The following PALM2AKAP2 variants were observed in gnomAD, a reference collection of about 807,000 sequenced individuals.
PALM2AKAP2 encodes PALM2-AKAP2 fusion protein.
Under a neutral mutation model 71.5 loss-of-function variants are expected in PALM2AKAP2, and 37 were observed. The ratio of observed to expected loss-of-function variants is 0.52; its 90% CI spans 0.40 to 0.68. The LOEUF is 0.68. Ranked by LOEUF, PALM2AKAP2 falls within the 30% of genes least tolerant of loss-of-function variation. The pLI is 0.00. For missense variants in PALM2AKAP2, 1,224 were observed against 1,191.8 expected, an observed-to-expected ratio of 1.03 and a Z score of -0.40; for synonymous variants, 468 against 478.8, an observed-to-expected ratio of 0.98 and a Z score of 0.29.
chr9:109,992,939 G>GTA (rs372571970), intron 6 of PALM2AKAP2, among the ~76,000 whole-genome samples: 48,113 of 138,072 alleles, frequency 0.35, 8,465 homozygotes, highest in Non-Finnish European at 0.42. Flanking sequence ...TCATATATAT[G>GTA]TATATATATA....
Position 109,984,826 on chromosome 9 carries a change from C to T in PALM2AKAP2, c.497-31128C>T, listed in dbSNP as rs568424993. On this transcript the variant is annotated intron_variant, in intron 6 of 9. Coordinates refer to the PALM2AKAP2 transcript ENST00000302798. ...TTCGAGGTTTACAAAGCACTATGATCGTGCCACTGCCACTCCAGCCAGGGC... is the reference window on the plus strand; with the variant it reads ...TTCGAGGTTTACAAAGCACTATGATTGTGCCACTGCCACTCCAGCCAGGGC... Among the ~76,000 whole-genome samples the T allele has an allele frequency of 1.6e-3, 249 of 151,606 alleles. 1 individual carries two copies. The highest frequency in any genetic ancestry group is 6.8e-3 in the Middle Eastern group (2 of 294).
chr9:109,922,290 T>C (rs1286050756), intron 3 of PALM2AKAP2, among the ~76,000 whole-genome samples: 1 of 150,382 alleles, frequency 6.6e-6, no homozygotes. Flanking sequence ...GGCATGGTGG[T>C]GTGTGCCTTT....
chr9:110,011,016 T>A (rs13295157), intron 6 of PALM2AKAP2, among the ~76,000 whole-genome samples: 11,747 of 61,122 alleles, frequency 0.19, 735 homozygotes, highest in Non-Finnish European at 0.27. Context: ...AAAAAAAAAA[T>A]ATATATATAT....
In PALM2AKAP2 at chr9:109,871,137, A is replaced by G. The variant is rs1829593405; in HGVS notation, c.126+3566A>G. ...TCTGTGGTCAAAGCAAATAAATAGA[A>G]TGCAAGATAGTAGTTTTGGCATTCA... On this transcript the variant is annotated intron_variant, in intron 2 of 9. Coordinates refer to the PALM2AKAP2 transcript ENST00000302798. Among the ~76,000 whole-genome samples, 4 of 152,220 alleles carry G rather than the reference A, an allele frequency of 2.6e-5. No individual in the cohort carries two copies. The South Asian group carries it at 8.3e-4, about 31-fold the overall frequency.
intron 1 of PALM2AKAP2, among the ~76,000 whole-genome samples, chr9:109,830,853 C>T (rs1828279846): frequency 6.6e-6 from 1 of 152,158 alleles, no homozygotes; most frequent in Non-Finnish European, 1.5e-5. Context: ...TTGACGAAGT[C>T]TACACTAGAA....
intron 1 of PALM2AKAP2, among the ~76,000 whole-genome samples, chr9:109,745,152 A>G (rs1005566158): frequency 1.3e-5 from 2 of 152,116 alleles, no homozygotes; most frequent in African/African-American, 2.4e-5. Flanking sequence ...GATCATTTAG[A>G]CCACTGCCAT....
exon 4 of PALM2AKAP2, chr9:110,170,349 C>G (rs191416371): frequency 2.6e-5 from 4 of 152,542 alleles, no homozygotes; most frequent in African/African-American, 4.8e-5. Flanking sequence ...TTATGTTATT[C>G]TAACAAGTAG....
chr9:110,081,297 G>A (rs1239835928), intron 1 of PALM2AKAP2, among the ~76,000 whole-genome samples: 1 of 152,114 alleles, frequency 6.6e-6, no homozygotes, highest in Non-Finnish European at 1.5e-5. Context: ...TTTTTCTTAG[G>A]AGGAAAAAAT....
intron 6 of PALM2AKAP2, chr9:109,946,768 G>C (rs190498716): frequency 6.6e-6 from 1 of 151,378 alleles, no homozygotes; most frequent in African/African-American, 2.4e-5. Flanking sequence ...AAGGAAAAGG[G>C]GGGGTATCTC....
intron 7 of PALM2AKAP2, among the ~76,000 whole-genome samples, chr9:110,035,584 A>G (rs1290894925): frequency 2.8e-5 from 4 of 143,254 alleles, no homozygotes; most frequent in Non-Finnish European, 6.0e-5. Context: ...TGTGTTATAT[A>G]TAACATATAT....
At chr9:109,903,469 G>A (rs1830374076) in intron 3 of PALM2AKAP2, among the ~76,000 whole-genome samples, 1 of 152,106 alleles carries the variant, frequency 6.6e-6, no homozygotes. Context: ...CGAATCCCTG[G>A]ACCTTCCCAA....
intron 3 of PALM2AKAP2, 73 bp from the exon 4 acceptor site, chr9:109,923,662 G>A (rs1830887240): frequency 6.8e-7 from 1 of 1,473,326 alleles, no homozygotes; most frequent in Non-Finnish European, 9.1e-7. Context: ...TCGCCCAACA[G>A]GAAGGAGCTG....
chr9:109,987,984 C>A (rs140232103), intron 6 of PALM2AKAP2, among the ~76,000 whole-genome samples: 479 of 152,358 alleles, frequency 3.1e-3, no homozygotes, highest in African/African-American at 0.011. Context: ...TTTCCTAAAC[C>A]AGTCCCTGGC....
At chr9:110,125,351 T>C in intron 1 of PALM2AKAP2, 1 of 279,600 alleles carries the variant, frequency 3.6e-6, no homozygotes, top group Non-Finnish European at 5.4e-6. Context: ...CTGCTCTGGC[T>C]GGGAATGCCG....
intron 1 of PALM2AKAP2, among the ~76,000 whole-genome samples, chr9:109,643,488 G>A (rs1259340200): frequency 1.3e-5 from 2 of 152,228 alleles, no homozygotes; most frequent in African/African-American, 2.4e-5. Context: ...GGATTGGTAA[G>A]TTTACAAAGG....
At chr9:110,005,405 A>G (rs1015499474) in intron 6 of PALM2AKAP2, among the ~76,000 whole-genome samples, 3 of 152,150 alleles carry the variant, frequency 2.0e-5, no homozygotes, top group Admixed American at 2.0e-4. Context: ...TCAGAGCAGT[A>G]CCCGGCTATG....
chr9:110,072,766 G>A (rs1314718180), intron 1 of PALM2AKAP2, among the ~76,000 whole-genome samples: 2 of 152,152 alleles, frequency 1.3e-5, no homozygotes, highest in African/African-American at 2.4e-5. Context: ...CCACCTTGGG[G>A]AGTAGCCAAT....
intron 1 of PALM2AKAP2, among the ~76,000 whole-genome samples, chr9:109,762,728 C>T (rs1197934552): frequency 6.6e-6 from 1 of 152,196 alleles, no homozygotes; most frequent in Non-Finnish European, 1.5e-5. Context: ...AAGTCTCTTG[C>T]CTTGGAGCTG....
chr9:109,871,878 G>T (rs1829609425), intron 2 of PALM2AKAP2, among the ~76,000 whole-genome samples: 1 of 152,044 alleles, frequency 6.6e-6, no homozygotes, highest in Non-Finnish European at 1.5e-5. Flanking sequence ...TAGCTATTAT[G>T]TTTCTTATAC....
Sources: gnomAD v4.1 joint callset for allele counts (sites outside exome capture counted in the v4.1 genomes callset) on GRCh38, gnomAD v4.1.1 for gene constraint, MANE v1.5 for transcripts, NCBI Gene and HGNC (gene_info 2026-07-23, HGNC 2026-07-21) for gene names.